Variants in P2RY1 observed in about 807,000 individuals in gnomAD.
The protein encoded by P2RY1 is purinergic receptor P2Y1.
A neutral mutation model predicts 22.8 loss-of-function variants in P2RY1; 14 were observed. That is an observed-to-expected ratio of 0.61 (90% CI 0.41 to 0.96). The LOEUF (loss-of-function observed/expected upper bound fraction) is 0.96. Ranked by LOEUF, P2RY1 falls within the 40% of genes least tolerant of loss-of-function variation. P2RY1 has a pLI of 0.00. For missense variants in P2RY1, 395 were observed against 470.3 expected (o/e 0.84, Z 1.48); for synonymous variants, 200 against 195.1 (o/e 1.03, Z -0.21).
chr3:152,835,650 C>A lies in P2RY1; in HGVS notation c.-133C>A. ...GCGTGGGCGAGCCCCTGCGCGCCCCCTCCCGCGGGGATCCAGTTCGCCTGC... is the reference window on the plus strand; with the variant it reads ...GCGTGGGCGAGCCCCTGCGCGCCCCATCCCGCGGGGATCCAGTTCGCCTGC... On this transcript the variant is annotated 5_prime_UTR_variant, in exon 1 of 1. Transcript: ENST00000305097. The A allele has an allele frequency of 1.1e-6, 1 of 906,622 alleles. No individual in the cohort carries two copies. The highest frequency in any genetic ancestry group is 1.6e-6 in the Non-Finnish European group (1 of 619,712). The allele number at this position is 906,622 out of a possible 1,614,324, so 56.2% of individuals were successfully genotyped here.
chr3:152,836,466 C>T lies in P2RY1; in HGVS notation c.684C>T (p.Val228=). The T allele has an allele frequency of 6.2e-7, 1 of 1,614,110 alleles. No individual in the cohort carries two copies. Among genetic ancestry groups the T allele is most frequent in the Admixed American group, 1.7e-5 (1 of 60,022 alleles). ...SMCTTVAMFC[V]PLVLILGCYG... ...GCACGACCGTGGCCATGTTCTGTGT[C>T]CCCTTGGTGCTGATTCTGGGCTGTT... is the stretch of plus-strand genomic sequence containing the variant. The change falls in exon 1 of 1, where the codon GTC becomes GTT. Residue 228 remains valine, a synonymous_variant. Transcript: ENST00000305097. This position sits in a 1 kb window ranked among gnomAD's most constrained non-coding sequence, Gnocchi z 5.6.
Position 152,835,675 on chromosome 3 carries a change from C to G in P2RY1, c.-108C>G. 1.8e-6 allele frequency: 2 copies of G among 1,122,566 alleles called. No individual in the cohort carries two copies. Among genetic ancestry groups the G allele is most frequent in the Non-Finnish European group, 2.5e-6 (2 of 810,382 alleles). 69.5% of individuals were successfully genotyped at this position (1,122,566 alleles called of 1,614,324 possible). ...CTCCCGCGGGGATCCAGTTCGCCTG[C>G]TCCCTTCCGCTCGCTGGCTTTTCCG... On this transcript the variant is annotated 5_prime_UTR_variant, in exon 1 of 1. Coordinates refer to ENST00000305097, the MANE Select transcript of P2RY1 (RefSeq NM_002563.5).
rs1380117058 is a variant in P2RY1, at chr3:152,835,760, C to A, written c.-23C>A. ...CGCCGCCTCCTACCCCTCGGAGCCG[C>A]CGCCTAAGTCGAGGAGGAGAGAATG... On this transcript the variant is annotated 5_prime_UTR_variant, in exon 1 of 1. Transcript: ENST00000305097. The A allele has an allele frequency of 6.4e-7, 1 of 1,552,188 alleles. No individual in the cohort carries two copies. The highest frequency in any genetic ancestry group is 8.7e-7 in the Non-Finnish European group (1 of 1,155,010).
In P2RY1 at chr3:152,840,603, A is replaced by G. The variant is rs1716273492; in HGVS notation, c.*3699A>G. 6.6e-6 allele frequency: 1 copy of G among 152,188 alleles called. No individual in the cohort carries two copies. The highest frequency in any genetic ancestry group is 2.4e-5 in the African/African-American group (1 of 41,436). 9.4% of individuals were successfully genotyped at this position (152,188 alleles called of 1,614,324 possible). The stretch of plus-strand genomic sequence containing the variant: ...AGTCAAGTGGGATGGGCATTATATA[A>G]ACAACGTTACAATGTAAGGAAAATC... On this transcript the variant is annotated 3_prime_UTR_variant, in exon 1 of 1. Coordinates refer to ENST00000305097, the MANE Select transcript of P2RY1 (RefSeq NM_002563.5).
Position 152,837,006 on chromosome 3 carries a change from C to G in P2RY1, c.*102C>G. ...TTAACTTTCTAGTTTAGAAAAAAAT[C>G]AAACCAAGAAAATAGTGAGTTAAAA... On this transcript the variant is annotated 3_prime_UTR_variant, in exon 1 of 1. Transcript: ENST00000305097. The G allele has an allele frequency of 1.1e-6, 1 of 936,966 alleles. No individual in the cohort carries two copies. Among genetic ancestry groups the G allele is most frequent in the Non-Finnish European group, 1.6e-6 (1 of 623,386 alleles). 58.0% of individuals were successfully genotyped at this position (936,966 alleles called of 1,614,324 possible). A position where few individuals can be genotyped will look rare whatever the true frequency, so the allele number is the denominator to read the frequency against.
rs1716230182 is a variant in P2RY1, at chr3:152,838,698, C to G, written c.*1794C>G. Reference sequence around the variant, plus strand: ...TTACCCAATCTCTGGCCACTAAGATCAATGAAGAAAAGCTGTATTTAACCT... The same window carrying G: ...TTACCCAATCTCTGGCCACTAAGATGAATGAAGAAAAGCTGTATTTAACCT... On this transcript the variant is annotated 3_prime_UTR_variant, in exon 1 of 1. Coordinates refer to ENST00000305097, the MANE Select transcript of P2RY1 (RefSeq NM_002563.5). 1 of 152,108 alleles carries G rather than the reference C, an allele frequency of 6.6e-6. No individual in the cohort carries two copies. Among genetic ancestry groups the G allele is most frequent in the Admixed American group, 6.5e-5 (1 of 15,280 alleles). 9.4% of individuals were successfully genotyped at this position (152,108 alleles called of 1,614,324 possible).
rs1235352759 is a variant in P2RY1, at chr3:152,835,704, C to G, written c.-79C>G. 5.1e-6 allele frequency: 7 copies of G among 1,378,744 alleles called. No homozygotes were observed. The African/African-American group carries it at 1.0e-4, about 20-fold the overall frequency. The allele number at this position is 1,378,744 out of a possible 1,614,324, so 85.4% of individuals were successfully genotyped here. On this transcript the variant is annotated 5_prime_UTR_variant, in exon 1 of 1. Transcript: ENST00000305097. ...CTTCCGCTCGCTGGCTTTTCCGATG[C>G]TTGCTGCGCCCCTGGCCGCCGCTGC...
At position 152,837,110 on chromosome 3, in the gene P2RY1, A is replaced by G. The variant is rs1716185037; in HGVS notation, c.*206A>G. The G allele has an allele frequency of 5.3e-6, 3 of 570,514 alleles. No individual in the cohort carries two copies. Among genetic ancestry groups the G allele is most frequent in the Non-Finnish European group, 6.3e-6 (2 of 316,034 alleles). 35.3% of individuals were successfully genotyped at this position (570,514 alleles called of 1,614,324 possible). The stretch of plus-strand genomic sequence containing the variant: ...TTCACAGTCTCTCTTCCTTCTGACT[A>G]GAAGTATGTATAATAAAACAATACT... On this transcript the variant is annotated 3_prime_UTR_variant, in exon 1 of 1. Transcript: ENST00000305097.
At position 152,835,605 on chromosome 3, in the gene P2RY1, C is replaced by A; in HGVS notation, c.-178C>A. The A allele has an allele frequency of 1.6e-6, 1 of 609,638 alleles. No homozygotes were observed. Among genetic ancestry groups the A allele is most frequent in the Non-Finnish European group, 2.7e-6 (1 of 367,008 alleles). 37.8% of individuals were successfully genotyped at this position (609,638 alleles called of 1,614,324 possible). A position where few individuals can be genotyped will look rare whatever the true frequency, so the allele number is the denominator to read the frequency against. On this transcript the variant is annotated 5_prime_UTR_variant, in exon 1 of 1. Coordinates refer to ENST00000305097, the MANE Select transcript of P2RY1 (RefSeq NM_002563.5). ...CCGGGGCGGATTTCATGGCCCGCGG[C>A]GAACGCGGGGCCAGAGCTGGCGTGG...
At position 152,836,103 on chromosome 3, in the gene P2RY1, G is replaced by A; in HGVS notation, c.321G>A (p.Leu107=). The A allele has an allele frequency of 6.2e-7, 1 of 1,614,118 alleles. No individual in the cohort carries two copies. The highest frequency in any genetic ancestry group is 1.1e-5 in the South Asian group (1 of 91,074). Residue 107 remains leucine, a synonymous_variant, in exon 1 of 1, where the codon CTG becomes CTA. Transcript: ENST00000305097. This position sits in a 1 kb window ranked among gnomAD's most constrained non-coding sequence, Gnocchi z 5.6. ...DFLYVLTLPA[L]IFYYFNKTDW... ...TGTACGTGCTGACTCTGCCAGCCCT[G>A]ATCTTCTACTACTTCAATAAAACAG...
At position 152,835,752 on chromosome 3, in the gene P2RY1, C is replaced by G; in HGVS notation, c.-31C>G. On this transcript the variant is annotated 5_prime_UTR_variant, in exon 1 of 1. Transcript: ENST00000305097. ...TGCCCTCTCGCCGCCTCCTACCCCT[C>G]GGAGCCGCCGCCTAAGTCGAGGAGG... The G allele has an allele frequency of 1.3e-6, 2 of 1,541,836 alleles. No individual in the cohort carries two copies. Among genetic ancestry groups the G allele is most frequent in the Non-Finnish European group, 8.7e-7 (1 of 1,150,896 alleles).
Position 152,836,415 on chromosome 3 carries a change from G to A in P2RY1, c.633G>A (p.Leu211=), listed in dbSNP as rs1411455654. 5.0e-6 allele frequency: 8 copies of A among 1,614,144 alleles called. No homozygotes were observed. The highest frequency in any genetic ancestry group is 1.6e-4 in the Middle Eastern group (1 of 6,062). The change falls in exon 1 of 1, where the codon CTG becomes CTA. Residue 211 remains leucine, a synonymous_variant. Coordinates refer to ENST00000305097, the MANE Select transcript of P2RY1 (RefSeq NM_002563.5). The surrounding 1 kb of genome is among the most constrained non-coding windows in gnomAD (Gnocchi z 5.6). Reference sequence around the variant, plus strand: ...ACGACACCACCTCAGACGAGTACCTGCGAAGTTATTTCATCTACAGCATGT... The same window carrying A: ...ACGACACCACCTCAGACGAGTACCTACGAAGTTATTTCATCTACAGCATGT... The part of the protein sequence containing the change: ...TCYDTTSDEY[L]RSYFIYSMCT...
chr3:152,836,019 C>T lies in P2RY1; in HGVS notation c.237C>T (p.His79=). Residue 79 remains histidine, a synonymous_variant, in exon 1 of 1, where the codon CAC becomes CAT. Coordinates refer to ENST00000305097, the MANE Select transcript of P2RY1 (RefSeq NM_002563.5). The surrounding 1 kb of genome is among the most constrained non-coding windows in gnomAD (Gnocchi z 5.6). ...TGGCCATCTGGATGTTCGTCTTCCA[C>T]ATGAAGCCCTGGAGCGGCATCTCCG... The part of the protein sequence containing the change: ...NSVAIWMFVF[H]MKPWSGISVY... 1.2e-6 allele frequency: 2 copies of T among 1,614,226 alleles called. No individual in the cohort carries two copies. The highest frequency in any genetic ancestry group is 2.2e-5 in the South Asian group (2 of 91,086).
chr3:152,835,666 G>T lies in P2RY1; in HGVS notation c.-117G>T. On this transcript the variant is annotated 5_prime_UTR_variant, in exon 1 of 1. Transcript: ENST00000305097. ...GCGCGCCCCCTCCCGCGGGGATCCA[G>T]TTCGCCTGCTCCCTTCCGCTCGCTG... 9.6e-7 allele frequency: 1 copy of T among 1,038,670 alleles called. No homozygotes were observed. The highest frequency in any genetic ancestry group is 2.6e-5 in the East Asian group (1 of 37,962). 64.3% of individuals were successfully genotyped at this position (1,038,670 alleles called of 1,614,324 possible). A position where few individuals can be genotyped will look rare whatever the true frequency, so the allele number is the denominator to read the frequency against.
chr3:152,836,299 G>A lies in P2RY1; in HGVS notation c.517G>A (p.Val173Met), dbSNP rs1462328963. The change falls in exon 1 of 1, where the codon GTG (valine) becomes ATG (methionine). Residue 173 changes from valine to methionine, a missense_variant. Transcript: ENST00000305097. The surrounding 1 kb of genome is among the most constrained non-coding windows in gnomAD (Gnocchi z 5.6). ...LKKKNAICISVLVWLIVVVAI... is the reference protein window; with the variant it reads ...LKKKNAICISMLVWLIVVVAI... ...AAAGAAGAATGCGATCTGTATCAGC[G>A]TGCTGGTGTGGCTCATTGTGGTGGT... 1.2e-6 allele frequency: 2 copies of A among 1,614,094 alleles called. No homozygotes were observed. Among genetic ancestry groups the A allele is most frequent in the Non-Finnish European group, 1.7e-6 (2 of 1,180,026 alleles).
In P2RY1 at chr3:152,836,341, C is replaced by G; in HGVS notation, c.559C>G (p.Leu187Val). 1 of 1,614,088 alleles carries G rather than the reference C, an allele frequency of 6.2e-7. No homozygotes were observed. The highest frequency in any genetic ancestry group is 1.3e-5 in the African/African-American group (1 of 75,004). ...TGTGGTGGTGGCGATCTCCCCCATC[C>G]TCTTCTACTCAGGTACCGGGGTCCG... is the stretch of plus-strand genomic sequence containing the variant. The part of the protein sequence containing the change: ...LIVVVAISPI[L>V]FYSGTGVRKN... The change falls in exon 1 of 1, where the codon CTC (leucine) becomes GTC (valine). Residue 187 changes from leucine to valine, a missense_variant. Leu to Val is a conservative substitution (Grantham distance 32, BLOSUM62 1). Around this residue, in one of 3 missense-constraint regions of P2RY1, gnomAD observed 291 missense variants for 361.6 expected, o/e 0.80. Transcript: ENST00000305097. This position sits in a 1 kb window ranked among gnomAD's most constrained non-coding sequence, Gnocchi z 5.6.
At position 152,837,474 on chromosome 3, in the gene P2RY1, G is replaced by T. The variant is rs1716197415; in HGVS notation, c.*570G>T. The T allele has an allele frequency of 6.0e-6, 1 of 167,782 alleles. No homozygotes were observed. The allele number at this position is 167,782 out of a possible 1,614,324, so 10.4% of individuals were successfully genotyped here. On this transcript the variant is annotated 3_prime_UTR_variant, in exon 1 of 1. Transcript: ENST00000305097. Reference sequence around the variant, plus strand: ...GATGATAGTTGACTGAGTTTCTTTAGGGCATTGAATAGACAAGTAAAGCTA... The same window carrying T: ...GATGATAGTTGACTGAGTTTCTTTATGGCATTGAATAGACAAGTAAAGCTA...
rs774343098 is a variant in P2RY1 at position 152,835,803 on chromosome 3, G to A, written c.21G>A (p.Pro7=). 6.2e-7 allele frequency: 1 copy of A among 1,606,472 alleles called. No homozygotes were observed. The highest frequency in any genetic ancestry group is 2.2e-5 in the East Asian group (1 of 44,812). ...AGAGAATGACCGAGGTGCTGTGGCC[G>A]GCTGTCCCCAACGGGACGGACGCTG... MTEVLW[P]AVPNGTDAAF... is the part of the protein sequence containing the mutation. Residue 7 remains proline (P), a synonymous_variant, in exon 1 of 1, where the codon CCG becomes CCA. Transcript: ENST00000305097.
At position 152,838,684 on chromosome 3, in the gene P2RY1, C is replaced by G. The variant is rs12497578; in HGVS notation, c.*1780C>G. On this transcript the variant is annotated 3_prime_UTR_variant, in exon 1 of 1. Coordinates refer to ENST00000305097, the MANE Select transcript of P2RY1 (RefSeq NM_002563.5). ...AGAGTAGCTTCACTTTACCCAATCTCTGGCCACTAAGATCAATGAAGAAAA... is the reference window on the plus strand; with the variant it reads ...AGAGTAGCTTCACTTTACCCAATCTGTGGCCACTAAGATCAATGAAGAAAA... 0.084 allele frequency: 12,756 copies of G among 152,194 alleles called. 647 individuals are homozygous for G. The highest frequency in any genetic ancestry group is 0.23 in the East Asian group (1,210 of 5,180). 9.4% of individuals were successfully genotyped at this position (152,194 alleles called of 1,614,324 possible).
Sources: gnomAD v4.1 joint callset for allele counts on GRCh38, gnomAD v4.1.1 for gene constraint, gnomAD v4.1.1 regional missense constraint, Gnocchi (gnomAD v3.1) non-coding constraint, MANE v1.5 for transcripts, NCBI Gene and HGNC (gene_info 2026-07-23, HGNC 2026-07-21) for gene names.